CDH20: variants seen among roughly 807,000 people sequenced by gnomAD.
The protein encoded by CDH20 is cadherin 20.
In CDH20, 29 loss-of-function variants were observed where a neutral mutation model predicts 74.2. The ratio of observed to expected loss-of-function variants is 0.39; its 90% CI spans 0.29 to 0.53. CDH20 has a LOEUF of 0.53. Among genes scored for constraint, CDH20 ranks in the 20% least tolerant of loss-of-function variants. The probability of loss-of-function intolerance (pLI) is 0.69; values close to 1 mark genes in which losing one functional copy is unlikely to be tolerated. For synonymous variants in CDH20, 469 were observed against 405.4 expected (o/e 1.16, Z -1.88); for missense variants, 988 against 1,048.3 (o/e 0.94, Z 0.79).
At chr18:61,340,173 A>G (rs988071333) in intron 1 of CDH20, among the ~76,000 whole-genome samples, 1 of 148,404 alleles carries the variant, frequency 6.7e-6, no homozygotes, top group African/African-American at 2.5e-5. Flanking sequence ...ACCCAAAATG[A>G]AAAACAGATG....
chr18:61,352,616 A>C (rs556786725), intron 1 of CDH20, among the ~76,000 whole-genome samples: 31 of 152,304 alleles, frequency 2.0e-4, no homozygotes, highest in Admixed American at 5.9e-4. Flanking sequence ...ACTGATGATG[A>C]TTCTCCCAAT....
intron 1 of CDH20, among the ~76,000 whole-genome samples, chr18:61,392,411 G>A (rs1466413403): frequency 6.6e-6 from 1 of 152,122 alleles, no homozygotes; most frequent in Non-Finnish European, 1.5e-5. Flanking sequence ...GATACAGGCT[G>A]GCTGTAAAGG....
chr18:61,555,315 A>G lies in CDH20; in HGVS notation c.*620A>G, dbSNP rs749456594. ...AGGGTGGGTGAAGGAAGAGACATTGACTTTATGCTCAAGTTTAGTGGCTGA... is the reference window on the plus strand; with the variant it reads ...AGGGTGGGTGAAGGAAGAGACATTGGCTTTATGCTCAAGTTTAGTGGCTGA... On this transcript the variant is annotated 3_prime_UTR_variant, in exon 12 of 12. Transcript: ENST00000262717. 87 of 985,472 alleles carry G rather than the reference A, an allele frequency of 8.8e-5. No homozygotes were observed. The highest frequency in any genetic ancestry group is 9.6e-5 in the Non-Finnish European group (80 of 830,014). 61.0% of individuals were successfully genotyped at this position (985,472 alleles called of 1,614,324 possible). A position where few individuals can be genotyped will look rare whatever the true frequency, so the allele number is the denominator to read the frequency against.
intron 8 of CDH20, among the ~76,000 whole-genome samples, chr18:61,538,196 G>A (rs1030802232): frequency 1.3e-5 from 2 of 152,134 alleles, no homozygotes; most frequent in African/African-American, 4.8e-5. Flanking sequence ...CGAAACCTTT[G>A]CAAATGTAAT....
Position 61,554,525 on chromosome 18 carries a change from C to T in CDH20, c.2236C>T (p.Gln746Ter). 1 of 1,613,052 alleles carries T rather than the reference C, an allele frequency of 6.2e-7. No homozygotes were observed. The highest frequency in any genetic ancestry group is 8.5e-7 in the Non-Finnish European group (1 of 1,179,872). Residue 746 changes from glutamine to a stop codon, truncating the protein, a stop_gained, in exon 12 of 12, where the codon CAG (glutamine) becomes TAG (stop). Transcript: ENST00000262717. LOFTEE classifies it high-confidence loss of function. Reference protein sequence around the residue: ...DLWAPPFDSLQTYMFEGDGSV... With the variant: ...DLWAPPFDSL ...GTGGGCACCGCCCTTCGACTCCCTC[C>T]AGACGTATATGTTCGAGGGGGACGG...
At chr18:61,366,533 A>AT (rs1017692584) in intron 1 of CDH20, among the ~76,000 whole-genome samples, 2 of 152,128 alleles carry the variant, frequency 1.3e-5, no homozygotes, top group African/African-American at 4.8e-5. Context: ...CAAGTGTTTG[A>AT]TTTTTTAAAA....
chr18:61,469,396 C>A (rs1910080789), intron 1 of CDH20, among the ~76,000 whole-genome samples: 1 of 150,906 alleles, frequency 6.6e-6, no homozygotes, highest in Admixed American at 6.6e-5. Context: ...CACACACACA[C>A]ACACACACCC....
chr18:61,552,614 C>T (rs1913475999), intron 11 of CDH20, among the ~76,000 whole-genome samples: 1 of 152,120 alleles, frequency 6.6e-6, no homozygotes. Flanking sequence ...AATTCACTGG[C>T]CCTGCCTCTG....
chr18:61,460,809 T>G (rs547835406), intron 1 of CDH20, among the ~76,000 whole-genome samples: 1 of 152,336 alleles, frequency 6.6e-6, no homozygotes, highest in African/African-American at 2.4e-5. Flanking sequence ...TTGCCATTGT[T>G]TTCAATAATT....
chr18:61,370,256 G>A (rs896556506), intron 1 of CDH20, among the ~76,000 whole-genome samples: 2 of 151,966 alleles, frequency 1.3e-5, no homozygotes, highest in Non-Finnish European at 2.9e-5. Context: ...CCATCTTGGG[G>A]CATAGGGTAT....
At chr18:61,427,125 G>C (rs1296042612) in intron 1 of CDH20, among the ~76,000 whole-genome samples, 1 of 152,138 alleles carries the variant, frequency 6.6e-6, no homozygotes, top group Non-Finnish European at 1.5e-5. Context: ...AGAAAGAAGA[G>C]TCCTCTGAGA....
chr18:61,496,554 G>A (rs1911169199), intron 2 of CDH20, among the ~76,000 whole-genome samples: 2 of 152,122 alleles, frequency 1.3e-5, no homozygotes, highest in African/African-American at 2.4e-5. Context: ...AGACTCCAGG[G>A]CACCAGCCAG....
At chr18:61,510,847 A>C (rs1911753541) in intron 6 of CDH20, among the ~76,000 whole-genome samples, 1 of 152,208 alleles carries the variant, frequency 6.6e-6, no homozygotes, top group African/African-American at 2.4e-5. Flanking sequence ...ATTTTGGTAT[A>C]TGTCATAGGT....
In CDH20 at chr18:61,368,447, G is replaced by A. The variant is rs188366736; in HGVS notation, c.-153+34620G>A. On this transcript the variant is annotated intron_variant, in intron 1 of 11. Coordinates refer to ENST00000262717, the MANE Select transcript of CDH20 (RefSeq NM_031891.4). ...AGGACTGCTGGGTCGGGGGTGGGGG[G>A]CAACAACTACTAAATGTAACAGACT... Among the ~76,000 whole-genome samples, 8 of 141,750 alleles carry A rather than the reference G, an allele frequency of 5.6e-5. No homozygotes were observed. In the East Asian group the frequency reaches 1.2e-3, roughly 21 times the overall value. 93.0% of individuals were successfully genotyped at this position (141,750 alleles called of 152,430 possible).
At chr18:61,357,378 C>G (rs1910527658) in intron 1 of CDH20, among the ~76,000 whole-genome samples, 1 of 152,148 alleles carries the variant, frequency 6.6e-6, no homozygotes, top group African/African-American at 2.4e-5. Flanking sequence ...AACTCATCAC[C>G]ATTAAACAAC....
rs1433714131 is a variant in CDH20, at chr18:61,353,084, C to A, written c.-153+19257C>A. Among the ~76,000 whole-genome samples the A allele has an allele frequency of 1.3e-5, 2 of 152,146 alleles. No individual in the cohort carries two copies. The highest frequency in any genetic ancestry group is 1.3e-4 in the Admixed American group (2 of 15,282). ...GTCCATAGCTTCTATTTTATGGCTA[C>A]CCTGGTCACCTCCCCTGCAATCACC... On this transcript the variant is annotated intron_variant, in intron 1 of 11. Transcript: ENST00000262717. The surrounding 1 kb of genome is among the most constrained non-coding windows in gnomAD (Gnocchi z 4.6).
chr18:61,460,726 C>CATAT (rs1180520061), intron 1 of CDH20, among the ~76,000 whole-genome samples: 1 of 152,096 alleles, frequency 6.6e-6, no homozygotes, highest in African/African-American at 2.4e-5. Context: ...ATCCCTTGAC[C>CATAT]ATATGGTTTA....
intron 11 of CDH20, among the ~76,000 whole-genome samples, chr18:61,553,626 T>C (rs1011148532): frequency 3.3e-5 from 5 of 152,194 alleles, no homozygotes; most frequent in African/African-American, 7.2e-5. Flanking sequence ...TCTGTTGTTT[T>C]TTAGAGGTAT....
chr18:61,341,190 A>G (rs937047836), intron 1 of CDH20, among the ~76,000 whole-genome samples: 12 of 152,184 alleles, frequency 7.9e-5, no homozygotes, highest in Admixed American at 7.2e-4. Flanking sequence ...TTGGCAACTA[A>G]TAACAGAAAT....
Sources: allele counts gnomAD v4.1 joint callset (sites outside exome capture counted in the v4.1 genomes callset), GRCh38; gene constraint gnomAD v4.1.1; non-coding constraint Gnocchi (gnomAD v3.1); transcripts MANE v1.5; gene names NCBI Gene and HGNC (gene_info 2026-07-23, HGNC 2026-07-21).